The following GALNTL6 variants were observed in gnomAD, a reference collection of about 807,000 sequenced individuals.
The protein encoded by GALNTL6 is polypeptide N-acetylgalactosaminyltransferase like 6.
In GALNTL6, 46 loss-of-function variants were observed where a neutral mutation model predicts 73.7. The observed-to-expected ratio is 0.62, with a 90% CI of 0.49 to 0.80. The LOEUF (loss-of-function observed/expected upper bound fraction) is 0.80, where lower values mean the gene tolerates loss of function less well. GALNTL6 is among the 30% of genes least tolerant of loss of function. The pLI is 0.00. For synonymous variants in GALNTL6, 259 were observed against 263.7 expected, an observed-to-expected ratio of 0.98 and a Z score of 0.17; for missense variants, 604 against 755.0, an observed-to-expected ratio of 0.80 and a Z score of 2.34.
intron 5 of GALNTL6, among the ~76,000 whole-genome samples, chr4:172,435,262 C>T (rs1731592402): frequency 6.6e-6 from 1 of 152,078 alleles, no homozygotes; most frequent in Admixed American, 6.6e-5. Context: ...CTGTTGCCCA[C>T]AAAGCACCTA....
intron 8 of GALNTL6, among the ~76,000 whole-genome samples, chr4:172,920,765 A>G (rs1448185633): frequency 6.6e-6 from 1 of 152,238 alleles, no homozygotes; most frequent in Non-Finnish European, 1.5e-5. Context: ...GTTATCATTA[A>G]GTAACTCAGT....
chr4:172,790,065 T>G (rs1739908705), intron 5 of GALNTL6, among the ~76,000 whole-genome samples: 1 of 152,228 alleles, frequency 6.6e-6, no homozygotes, highest in South Asian at 2.1e-4. Flanking sequence ...ATAAAAACTA[T>G]GAGTCAAAAG....
intron 10 of GALNTL6, among the ~76,000 whole-genome samples, chr4:172,965,628 A>C (rs1020844949): frequency 2.1e-5 from 3 of 142,236 alleles, no homozygotes; most frequent in Non-Finnish European, 4.8e-5. Flanking sequence ...TAAAAAAAAA[A>C]AAACAATTTT....
chr4:172,743,994 GCTTTTGAATTATTACC>G (rs571547954), intron 5 of GALNTL6, among the ~76,000 whole-genome samples: 93 of 152,150 alleles, frequency 6.1e-4, no homozygotes, highest in Middle Eastern at 3.4e-3. Context: ...ATATCATATT[GCTTTTGAATTATTACC>G]CTCCTCTAGA....
In GALNTL6 at chr4:172,493,402, T is replaced by C. The variant is rs191362879; in HGVS notation, c.553+144713T>C. Reference sequence around the variant, plus strand: ...ACTAAAAACTAAAAGATATTCACTTTTATGTCAGAAATAGATTATGTCAAA... The same window carrying C: ...ACTAAAAACTAAAAGATATTCACTTCTATGTCAGAAATAGATTATGTCAAA... On this transcript the variant is annotated intron_variant, in intron 5 of 12. Transcript: ENST00000506823. Among the ~76,000 whole-genome samples the C allele has an allele frequency of 8.5e-5, 13 of 152,314 alleles. No individual in the cohort carries two copies. In the East Asian group the frequency reaches 2.3e-3, roughly 27 times the overall value.
chr4:171,999,392 C>T (rs1270314844), intron 2 of GALNTL6, among the ~76,000 whole-genome samples: 3 of 152,126 alleles, frequency 2.0e-5, no homozygotes, highest in African/African-American at 7.2e-5. Flanking sequence ...TAAATGTGTG[C>T]TATTTCCGGG....
At chr4:172,912,868 G>A (rs1268923596) in intron 8 of GALNTL6, among the ~76,000 whole-genome samples, 1 of 152,174 alleles carries the variant, frequency 6.6e-6, no homozygotes, top group Non-Finnish European at 1.5e-5. Flanking sequence ...AGAGAGCAGT[G>A]GTTCTCCCAG....
intron 10 of GALNTL6, among the ~76,000 whole-genome samples, chr4:173,004,493 G>T (rs1183365187): frequency 1.3e-5 from 2 of 151,974 alleles, no homozygotes; most frequent in African/African-American, 4.8e-5. Context: ...GGGAGTAGTG[G>T]TGCATGATTG....
chr4:173,024,969 A>T (rs1189583315), intron 12 of GALNTL6, among the ~76,000 whole-genome samples: 2 of 152,112 alleles, frequency 1.3e-5, no homozygotes, highest in Non-Finnish European at 1.5e-5. Flanking sequence ...ATTCAGTGTC[A>T]CTGATACCAG....
At chr4:172,595,193 G>A (rs1436105496) in intron 5 of GALNTL6, among the ~76,000 whole-genome samples, 2 of 152,074 alleles carry the variant, frequency 1.3e-5, no homozygotes, top group African/African-American at 4.8e-5. Flanking sequence ...TGAATTTGTG[G>A]GGGAGCACAA....
intron 5 of GALNTL6, among the ~76,000 whole-genome samples, chr4:172,796,188 TC>T (rs1740253726): frequency 6.6e-6 from 1 of 152,056 alleles, no homozygotes; most frequent in Admixed American, 6.6e-5. Flanking sequence ...GTATTAAGTC[TC>T]TTTCTACTTA....
intron 4 of GALNTL6, 37 bp downstream of exon 4, chr4:172,311,789 T>C (rs1033119075): frequency 7.0e-7 from 1 of 1,433,546 alleles, no homozygotes; most frequent in Non-Finnish European, 9.3e-7. Context: ...GGTGGGTTTT[T>C]TTGGTTTTTT....
chr4:172,865,072 AT>A lies in GALNTL6; in HGVS notation c.924-17712del, dbSNP rs200665307. On this transcript the variant is annotated intron_variant, in intron 7 of 12. Coordinates refer to ENST00000506823, the MANE Select transcript of GALNTL6 (RefSeq NM_001034845.3). ...ATTAACCTTTGATAACCTTTACAAT[AT>A]TTTTTCAAGTTTGCCATGTGCCACC... Among the ~76,000 whole-genome samples, 828 of 152,290 alleles carry A rather than the reference AT, an allele frequency of 5.4e-3. 9 individuals are homozygous for A. Among genetic ancestry groups the A allele is most frequent in the African/African-American group, 0.018 (754 of 41,554 alleles).
chr4:172,139,944 T>A (rs975502165), intron 2 of GALNTL6, among the ~76,000 whole-genome samples: 1 of 152,140 alleles, frequency 6.6e-6, no homozygotes, highest in Non-Finnish European at 1.5e-5. Flanking sequence ...ATGTGTATAT[T>A]GTACTCCATA....
intron 2 of GALNTL6, among the ~76,000 whole-genome samples, chr4:172,191,215 A>C (rs1735571732): frequency 6.6e-6 from 1 of 152,076 alleles, no homozygotes; most frequent in South Asian, 2.1e-4. Context: ...TATTCTTGAA[A>C]CCACTATGGT....
chr4:172,568,408 G>T (rs1307934259), intron 5 of GALNTL6, among the ~76,000 whole-genome samples: 1 of 152,168 alleles, frequency 6.6e-6, no homozygotes, highest in Non-Finnish European at 1.5e-5. Context: ...CCCGGAGTCA[G>T]TGAACGAAGC....
intron 10 of GALNTL6, among the ~76,000 whole-genome samples, chr4:172,982,502 T>C (rs1451242038): frequency 1.3e-5 from 2 of 152,232 alleles, no homozygotes; most frequent in African/African-American, 2.4e-5. Context: ...AGCCAGTCTA[T>C]ACATAAGACA....
chr4:172,559,399 G>T (rs1307358965), intron 5 of GALNTL6, among the ~76,000 whole-genome samples: 1 of 152,092 alleles, frequency 6.6e-6, no homozygotes, highest in Non-Finnish European at 1.5e-5. Flanking sequence ...TTTTATGGAT[G>T]CCTCTTACTC....
At chr4:172,955,018 T>C (rs1413510967) in intron 10 of GALNTL6, among the ~76,000 whole-genome samples, 1 of 152,200 alleles carries the variant, frequency 6.6e-6, no homozygotes, top group Non-Finnish European at 1.5e-5. Context: ...TGTTAAATAC[T>C]AGTTTTTAAA....
Sources: allele counts gnomAD v4.1 joint callset (sites outside exome capture counted in the v4.1 genomes callset), GRCh38; gene constraint gnomAD v4.1.1; transcripts MANE v1.5; gene names NCBI Gene and HGNC (gene_info 2026-07-23, HGNC 2026-07-21).